Variants in VPS41 observed in about 807,000 individuals in gnomAD.
VPS41 encodes VPS41 subunit of HOPS complex, also known as vacuolar protein sorting-associated protein 41 homolog.
In VPS41, 85 loss-of-function variants were observed where a neutral mutation model predicts 130.9. The ratio of observed to expected loss-of-function variants is 0.65; its 90% CI spans 0.55 to 0.78. The LOEUF (loss-of-function observed/expected upper bound fraction) is 0.78. Among genes scored for constraint, VPS41 ranks in the 30% least tolerant of loss-of-function variants. The probability of loss-of-function intolerance (pLI) is 0.00; values close to 1 mark genes in which losing one functional copy is unlikely to be tolerated. For missense variants in VPS41, 874 were observed against 1,018.7 expected (o/e 0.86, Z 1.93); for synonymous variants, 335 against 332.9 (o/e 1.01, Z -0.07).
chr7:38,857,727 A>T (rs1469384539), intron 4 of VPS41, among the ~76,000 whole-genome samples: 1 of 152,204 alleles, frequency 6.6e-6, no homozygotes, highest in African/African-American at 2.4e-5. Flanking sequence ...TTCTGAGCCA[A>T]ATGTAAGGAC....
intron 4 of VPS41, among the ~76,000 whole-genome samples, chr7:38,854,342 ATAAG>A (rs1785933614): frequency 6.6e-6 from 1 of 152,236 alleles, no homozygotes. Flanking sequence ...CTTCAGGTCG[ATAAG>A]TGAGTACCAT....
intron 25 of VPS41, among the ~76,000 whole-genome samples, chr7:38,735,486 CAT>C (rs1373723916): frequency 6.8e-6 from 1 of 148,060 alleles, no homozygotes; most frequent in Non-Finnish European, 1.5e-5. Context: ...TGTGTGTGTA[CAT>C]GTGTGTGTCT....
chr7:38,741,974 A>C lies in VPS41; in HGVS notation c.2259+11T>G, dbSNP rs761570408. On this transcript the variant is annotated intron_variant, in intron 25 of 28. Coordinates refer to ENST00000310301, the MANE Select transcript of VPS41 (RefSeq NM_014396.4). Reference sequence around the variant, plus strand: ...ATTCAGATGCTCATTTGTCCAAGAAAGGATACTTACTTGCAAATTGTAGTC... The same window carrying C: ...ATTCAGATGCTCATTTGTCCAAGAACGGATACTTACTTGCAAATTGTAGTC... The C allele has an allele frequency of 6.2e-7, 1 of 1,612,610 alleles. No homozygotes were observed. Among genetic ancestry groups the C allele is most frequent in the Admixed American group, 1.7e-5 (1 of 59,894 alleles).
intron 2 of VPS41, among the ~76,000 whole-genome samples, chr7:38,897,750 A>C (rs571724303): frequency 1.7e-4 from 26 of 152,356 alleles, no homozygotes; most frequent in African/African-American, 5.8e-4. Context: ...TAAACATCAT[A>C]AAACCTACAG....
At chr7:38,908,882 T>C (rs1490844618) in intron 1 of VPS41, among the ~76,000 whole-genome samples, 1 of 152,170 alleles carries the variant, frequency 6.6e-6, no homozygotes, top group African/African-American at 2.4e-5. Flanking sequence ...CATGCCAAAA[T>C]TTCCCTGGGC....
intron 1 of VPS41, among the ~76,000 whole-genome samples, chr7:38,908,824 T>C (rs1053454877): frequency 5.3e-5 from 8 of 152,190 alleles, no homozygotes; most frequent in African/African-American, 1.2e-4. Context: ...CCGGCCTCTC[T>C]TCCTCCTCCC....
rs1440747426 is a variant in VPS41, at chr7:38,724,501, C to CA, written c.*1744dup. The CA allele has an allele frequency of 2.6e-5, 4 of 152,070 alleles. No homozygotes were observed. Among genetic ancestry groups the CA allele is most frequent in the African/African-American group, 4.8e-5 (2 of 41,390 alleles). 9.4% of individuals were successfully genotyped at this position (152,070 alleles called of 1,614,324 possible). On this transcript the variant is annotated 3_prime_UTR_variant, in exon 29 of 29. Coordinates refer to ENST00000310301, the MANE Select transcript of VPS41 (RefSeq NM_014396.4). ...TCTAAGTATTTGTGACTAACAACAA[C>CA]AAAAAAATCTGTTGTTTGCTAGAGA...
chr7:38,746,413 G>C (rs1795985851), intron 22 of VPS41, among the ~76,000 whole-genome samples: 1 of 152,144 alleles, frequency 6.6e-6, no homozygotes, highest in African/African-American at 2.4e-5. Flanking sequence ...GATGATTATA[G>C]GTAAGAGGAA....
At chr7:38,853,664 A>C (rs563720209) in intron 4 of VPS41, among the ~76,000 whole-genome samples, 2 of 152,330 alleles carry the variant, frequency 1.3e-5, no homozygotes, top group South Asian at 4.1e-4. Context: ...AGTACCCTGT[A>C]CTGAAGAATG....
chr7:38,812,583 A>G (rs539974553), intron 7 of VPS41, among the ~76,000 whole-genome samples: 1 of 152,296 alleles, frequency 6.6e-6, no homozygotes, highest in African/African-American at 2.4e-5. Context: ...CTCAAAGGAT[A>G]CCATCAATAA....
chr7:38,909,017 C>A, intron 1 of VPS41, 137 bp downstream of exon 1: 1 of 1,075,278 alleles, frequency 9.3e-7, no homozygotes, highest in East Asian at 2.4e-5. Flanking sequence ...TTTCGCCATC[C>A]CACCCCGCCC....
At chr7:38,786,959 T>C (rs996835700) in intron 10 of VPS41, among the ~76,000 whole-genome samples, 1 of 152,122 alleles carries the variant, frequency 6.6e-6, no homozygotes, top group Non-Finnish European at 1.5e-5. Context: ...AGATCACCAA[T>C]TTTCAGGTCA....
At chr7:38,890,205 A>G (rs1207672842) in intron 2 of VPS41, among the ~76,000 whole-genome samples, 2 of 152,230 alleles carry the variant, frequency 1.3e-5, no homozygotes, top group Non-Finnish European at 2.9e-5. Flanking sequence ...AAGCCTTAAC[A>G]TATCATTACT....
At chr7:38,853,628 C>G (rs1050989237) in intron 4 of VPS41, among the ~76,000 whole-genome samples, 9 of 84,126 alleles carry the variant, frequency 1.1e-4, no homozygotes, top group African/African-American at 2.4e-4. Context: ...GCCTTGAACC[C>G]CAAAGAAAGA....
chr7:38,769,729 T>C (rs1439022748), intron 14 of VPS41, among the ~76,000 whole-genome samples: 1 of 152,202 alleles, frequency 6.6e-6, no homozygotes, highest in Non-Finnish European at 1.5e-5. Flanking sequence ...GTATCTTCCA[T>C]CTATCTTCAC....
In VPS41 at chr7:38,866,803, G is replaced by A. The variant is rs1584435463; in HGVS notation, c.168+2343C>T. The stretch of plus-strand genomic sequence containing the variant: ...GAAAAGTGGAGGCAAACAAAGGAAA[G>A]TGAAAGAAACAGAAAGGAATGTCAC... On this transcript the variant is annotated intron_variant, in intron 3 of 28. Coordinates refer to ENST00000310301, the MANE Select transcript of VPS41 (RefSeq NM_014396.4). Among the ~76,000 whole-genome samples, 4 of 152,310 alleles carry A rather than the reference G, an allele frequency of 2.6e-5. No homozygotes were observed. In the East Asian group the frequency reaches 7.7e-4, roughly 29 times the overall value.
chr7:38,791,574 G>A lies in VPS41; in HGVS notation c.718-1707C>T, dbSNP rs1784537998. 1.3e-5 allele frequency among the ~76,000 whole-genome samples: 2 copies of A among 152,142 alleles called. 1 individual carries two copies. Among genetic ancestry groups the A allele is most frequent in the South Asian group, 4.2e-4 (2 of 4,818 alleles). Reference sequence around the variant, plus strand: ...CCTGCTAGGGCAGGAAGACTTCCTGGAAGAAGTGACATGTAAGTTGAAGCA... The same window carrying A: ...CCTGCTAGGGCAGGAAGACTTCCTGAAAGAAGTGACATGTAAGTTGAAGCA... On this transcript the variant is annotated intron_variant, in intron 9 of 28. Coordinates refer to ENST00000310301, the MANE Select transcript of VPS41 (RefSeq NM_014396.4).
At chr7:38,809,081 G>A (rs1784889619) in intron 7 of VPS41, among the ~76,000 whole-genome samples, 1 of 152,052 alleles carries the variant, frequency 6.6e-6, no homozygotes, top group Non-Finnish European at 1.5e-5. Flanking sequence ...CAAAGAAATG[G>A]TAACTATGTG....
chr7:38,752,098 G>A, intron 22 of VPS41, 78 bp downstream of exon 22: 1 of 1,578,452 alleles, frequency 6.3e-7, no homozygotes, highest in African/African-American at 1.4e-5. Flanking sequence ...GAGATAGAAA[G>A]AGAAGAAAGA....
Sources: allele counts gnomAD v4.1 joint callset (sites outside exome capture counted in the v4.1 genomes callset), GRCh38; gene constraint gnomAD v4.1.1; transcripts MANE v1.5; gene names NCBI Gene and HGNC (gene_info 2026-07-23, HGNC 2026-07-21).